Variants in GARIN2 observed in about 807,000 individuals in gnomAD.
The protein encoded by GARIN2 is Golgi-associated RAB2 interactor protein 2.
the GARIN2 span, chr14:67,199,117 G>A: frequency 3.1e-6 from 4 of 1,305,220 alleles, no homozygotes; most frequent in Non-Finnish European, 4.4e-6. Flanking sequence ...TACGTGGGGG[G>A]CCTGAATGAG....
the GARIN2 span, among the ~76,000 whole-genome samples, chr14:67,196,223 CT>C: frequency 6.2e-3 from 888 of 142,682 alleles, 1 homozygote; most frequent in African/African-American, 0.012. Flanking sequence ...TTCTTTCTTT[CT>C]TTTTTTTTTT....
the GARIN2 span, among the ~76,000 whole-genome samples, chr14:67,190,140 C>A: frequency 2.7e-5 from 4 of 147,398 alleles, no homozygotes; most frequent in African/African-American, 1.0e-4. Flanking sequence ...GTCTTTAACT[C>A]CTGACCTCAG....
the GARIN2 span, among the ~76,000 whole-genome samples, chr14:67,226,603 C>T: frequency 6.6e-6 from 1 of 152,102 alleles, no homozygotes; most frequent in Non-Finnish European, 1.5e-5. Flanking sequence ...TCAAGTGATC[C>T]GCCCGCCTCA....
At chr14:67,199,704 C>T in the GARIN2 span, 2 of 1,582,416 alleles carry the variant, frequency 1.3e-6, no homozygotes, top group South Asian at 2.2e-5. Context: ...GCAGATGCAC[C>T]TCCTTCACCC....
the GARIN2 span, chr14:67,198,363 G>A: frequency 1.9e-6 from 3 of 1,556,842 alleles, no homozygotes; most frequent in Non-Finnish European, 2.6e-6. Context: ...AATAACTTCA[G>A]TAATTTTCTC....
the GARIN2 span, among the ~76,000 whole-genome samples, chr14:67,227,915 A>T: frequency 6.6e-6 from 1 of 152,338 alleles, no homozygotes; most frequent in Non-Finnish European, 1.5e-5. Flanking sequence ...CACGCCTATA[A>T]TCCCAGCACT....
chr14:67,196,005 C>G, the GARIN2 span, among the ~76,000 whole-genome samples: 1 of 151,990 alleles, frequency 6.6e-6, no homozygotes, highest in Admixed American at 6.5e-5. Context: ...AGGCTGTTCT[C>G]GAACTCCTGA....
the GARIN2 span, chr14:67,203,073 T>C: frequency 1.2e-6 from 2 of 1,607,204 alleles, no homozygotes; most frequent in Admixed American, 3.4e-5. Flanking sequence ...TATAACGCCT[T>C]TTCCTGTTTT....
chr14:67,195,796 T>G, the GARIN2 span, among the ~76,000 whole-genome samples: 2 of 149,784 alleles, frequency 1.3e-5, no homozygotes, highest in African/African-American at 4.9e-5. Flanking sequence ...CAGGCTGGAG[T>G]GCAGTGGCAC....
At chr14:67,192,424 G>T in the GARIN2 span, among the ~76,000 whole-genome samples, 1 of 150,810 alleles carries the variant, frequency 6.6e-6, no homozygotes, top group South Asian at 2.1e-4. Context: ...ATGTATTTTT[G>T]AGTCACCAAA....
the GARIN2 span, among the ~76,000 whole-genome samples, chr14:67,196,469 G>A: frequency 4.6e-5 from 7 of 152,240 alleles, no homozygotes; most frequent in East Asian, 5.8e-4. Flanking sequence ...TGATCTGCCC[G>A]CCTTGGCCTC....
the GARIN2 span, among the ~76,000 whole-genome samples, chr14:67,193,119 T>C: frequency 6.9e-6 from 1 of 144,370 alleles, no homozygotes; most frequent in African/African-American, 2.5e-5. Context: ...TAGATATCTC[T>C]CTATATATCT....
chr14:67,198,004 A>T, the GARIN2 span: 1 of 767,772 alleles, frequency 1.3e-6, no homozygotes, highest in Non-Finnish European at 2.0e-6. Context: ...ATGTATTAAT[A>T]CAAGTGCCTG....
the GARIN2 span, among the ~76,000 whole-genome samples, chr14:67,213,074 T>A: frequency 6.7e-6 from 1 of 149,274 alleles, no homozygotes; most frequent in Non-Finnish European, 1.5e-5. Context: ...AGCTTGGGGA[T>A]GGGGCATAGA....
chr14:67,224,612 C>T, the GARIN2 span: 8 of 283,932 alleles, frequency 2.8e-5, no homozygotes, highest in Non-Finnish European at 5.5e-5. Context: ...GCTTTATTCT[C>T]CTTAACTTTT....
At chr14:67,212,663 TTTACACATACATACA>T in the GARIN2 span, among the ~76,000 whole-genome samples, 4 of 147,220 alleles carry the variant, frequency 2.7e-5, no homozygotes, top group Non-Finnish European at 4.5e-5. Flanking sequence ...ATAATATATA[TTTACACATACATACA>T]AATAAATGTA....
chr14:67,217,628 TC>T, the GARIN2 span, among the ~76,000 whole-genome samples: 1 of 152,218 alleles, frequency 6.6e-6, no homozygotes, highest in South Asian at 2.1e-4. Flanking sequence ...GTGGCTATCA[TC>T]TTTTCATTTC....
the GARIN2 span, among the ~76,000 whole-genome samples, chr14:67,216,772 A>G: frequency 6.6e-6 from 1 of 152,254 alleles, no homozygotes; most frequent in East Asian, 1.9e-4. Context: ...AATACTTGAT[A>G]AGATTTTGAT....
the GARIN2 span, among the ~76,000 whole-genome samples, chr14:67,218,582 C>T: frequency 6.6e-6 from 1 of 152,018 alleles, no homozygotes; most frequent in African/African-American, 2.4e-5. Context: ...GTTTGGCTGG[C>T]CTGGGGGCAT....
Sources: allele counts gnomAD v4.1 joint callset (sites outside exome capture counted in the v4.1 genomes callset), GRCh38; gene constraint gnomAD v4.1.1; transcripts MANE v1.5; gene names NCBI Gene and HGNC (gene_info 2026-07-23, HGNC 2026-07-21).